Variants in RAB11FIP2 observed in about 807,000 individuals in gnomAD.
RAB11FIP2 encodes RAB11 family interacting protein 2.
RAB11FIP2 carries 16 observed loss-of-function variants against 40.9 expected under a neutral mutation model. That is an observed-to-expected ratio of 0.39 (90% CI 0.26 to 0.59). The LOEUF is 0.59. RAB11FIP2 is among the 20% of genes least tolerant of loss of function. The probability of loss-of-function intolerance (pLI) is 0.53; values close to 1 mark genes in which losing one functional copy is unlikely to be tolerated. For missense variants in RAB11FIP2, 532 were observed against 606.2 expected, an observed-to-expected ratio of 0.88 and a Z score of 1.28; for synonymous variants, 228 against 213.7, an observed-to-expected ratio of 1.07 and a Z score of -0.58.
rs1035747472 is a variant in RAB11FIP2, at chr10:118,021,376, C to T, written c.1266-6266G>A. 2.0e-5 allele frequency among the ~76,000 whole-genome samples: 3 copies of T among 152,310 alleles called. No homozygotes were observed. The South Asian group carries it at 6.2e-4, about 32-fold the overall frequency. ...AAATCTTATACCATAAAATCTCATA[C>T]AATCAGAATCCCATCTGATCAATCT... On this transcript the variant is annotated intron_variant, in intron 3 of 4. Transcript: ENST00000355624.
intron 3 of RAB11FIP2, 38 bp downstream of exon 3, chr10:118,038,934 T>A: frequency 1.4e-6 from 2 of 1,380,112 alleles, no homozygotes; most frequent in South Asian, 2.9e-5. Context: ...AGTACAAGAT[T>A]TTCCCAAATA....
Position 118,040,297 on chromosome 10 carries a change from T to TC in RAB11FIP2, c.621dup (p.Lys208GlufsTer23). On this transcript the variant is annotated frameshift_variant, in exon 2 of 5. Coordinates refer to ENST00000355624, the MANE Select transcript of RAB11FIP2 (RefSeq NM_014904.3). LOFTEE classifies it high-confidence loss of function. Reference sequence around the variant, plus strand: ...AGAAAAGGCTTTTTTGGTTTGGATTTCATCTGTATTTCACCACTTGAAAAT... The same window carrying TC: ...AGAAAAGGCTTTTTTGGTTTGGATTTCCATCTGTATTTCACCACTTGAAAAT... 6.2e-7 allele frequency: 1 copy of TC among 1,613,570 alleles called. No individual in the cohort carries two copies. Among genetic ancestry groups the TC allele is most frequent in the Non-Finnish European group, 8.5e-7 (1 of 1,179,684 alleles).
At chr10:118,021,336 G>C (rs867925202) in intron 3 of RAB11FIP2, among the ~76,000 whole-genome samples, 1 of 152,028 alleles carries the variant, frequency 6.6e-6, no homozygotes, top group African/African-American at 2.4e-5. Context: ...GTTTCCAAAG[G>C]AACAGTAATC....
At chr10:118,020,034 A>T (rs1217895513) in intron 3 of RAB11FIP2, among the ~76,000 whole-genome samples, 1 of 152,182 alleles carries the variant, frequency 6.6e-6, no homozygotes, top group Admixed American at 6.5e-5. Flanking sequence ...CTTTCTGAGC[A>T]CTTTACATGT....
At chr10:118,019,279 C>T (rs1345055405) in intron 3 of RAB11FIP2, among the ~76,000 whole-genome samples, 1 of 152,156 alleles carries the variant, frequency 6.6e-6, no homozygotes, top group African/African-American at 2.4e-5. Flanking sequence ...TTGGCCTACA[C>T]CTTGACTCAT....
rs576485055 is a variant in RAB11FIP2, at chr10:118,024,047, G to A, written c.1266-8937C>T. Among the ~76,000 whole-genome samples, 82 of 149,138 alleles carry A rather than the reference G, an allele frequency of 5.5e-4. 1 individual carries two copies. Among genetic ancestry groups the A allele is most frequent in the South Asian group, 5.1e-3 (24 of 4,728 alleles). On this transcript the variant is annotated intron_variant, in intron 3 of 4. Transcript: ENST00000355624. ...GGAGGCTGCAGTGAGCTGAGATCACGCCACTGCACTCCAGCCTGGGCAACA... is the reference window on the plus strand; with the variant it reads ...GGAGGCTGCAGTGAGCTGAGATCACACCACTGCACTCCAGCCTGGGCAACA...
At chr10:118,038,408 C>G (rs1410216845) in intron 3 of RAB11FIP2, among the ~76,000 whole-genome samples, 1 of 151,982 alleles carries the variant, frequency 6.6e-6, no homozygotes, top group Non-Finnish European at 1.5e-5. Flanking sequence ...TATAAATCAT[C>G]ATATAGATCC....
At chr10:118,038,914 G>T in intron 3 of RAB11FIP2, 58 bp downstream of exon 3, 1 of 1,110,134 alleles carries the variant, frequency 9.0e-7, no homozygotes. Flanking sequence ...AGAAATATTT[G>T]ATACCTTCAA....
Position 118,046,188 on chromosome 10 carries a change from G to GTTCCC in RAB11FIP2, c.-30_-26dup, listed in dbSNP as rs764351912. On this transcript the variant is annotated 5_prime_UTR_variant, in exon 1 of 5. Transcript: ENST00000355624. ...TCCTGTCCTGTTTCTCTGCCCCCGAGTTCCCTAGCACAGGCAGTGCCCCTC... is the reference window on the plus strand; with the variant it reads ...TCCTGTCCTGTTTCTCTGCCCCCGAGTTCCCTTCCCTAGCACAGGCAGTGCCCCTC... The GTTCCC allele has an allele frequency of 8.1e-6, 13 of 1,597,504 alleles. No individual in the cohort carries two copies. The highest frequency in any genetic ancestry group is 1.1e-5 in the Non-Finnish European group (13 of 1,167,678).
In RAB11FIP2 at chr10:118,046,406, G is replaced by C; in HGVS notation, c.-243C>G. 1 of 517,780 alleles carries C rather than the reference G, an allele frequency of 1.9e-6. No homozygotes were observed. Among genetic ancestry groups the C allele is most frequent in the Non-Finnish European group, 3.4e-6 (1 of 290,460 alleles). 32.1% of individuals were successfully genotyped at this position (517,780 alleles called of 1,614,324 possible). On this transcript the variant is annotated 5_prime_UTR_variant, in exon 1 of 5. Transcript: ENST00000355624. ...AGGCCCACCATCACCTGGCCGCGCC[G>C]TGCAGGCCTCTGCGCGGACCCCCGC...
chr10:118,037,351 CA>C (rs140342936), intron 3 of RAB11FIP2, among the ~76,000 whole-genome samples: 5 of 151,528 alleles, frequency 3.3e-5, no homozygotes, highest in African/African-American at 1.2e-4. Context: ...TAAAAGAAAA[CA>C]AAAAAAGTAC....
At chr10:118,019,769 T>C (rs1846261483) in intron 3 of RAB11FIP2, among the ~76,000 whole-genome samples, 1 of 149,786 alleles carries the variant, frequency 6.7e-6, no homozygotes, top group Admixed American at 6.7e-5. Flanking sequence ...GAGCTTGCAG[T>C]GAGCCGAGAT....
At position 118,040,522 on chromosome 10, in the gene RAB11FIP2, T is replaced by C; in HGVS notation, c.397A>G (p.Arg133Gly). ...ESKQGKRIKN[R>G]GEIKVNIQFM... is the part of the protein sequence containing the mutation. ...TGAATATTGACCTTTATCTCACCCC[T>C]GTTTTTGATTCGTTTTCCTTGTTTG... The change falls in exon 2 of 5, where the codon AGG (arginine) becomes GGG (glycine). Residue 133 changes from arginine to glycine, a missense_variant. Arg to Gly is a moderately radical substitution (Grantham distance 125). Coordinates refer to ENST00000355624, the MANE Select transcript of RAB11FIP2 (RefSeq NM_014904.3). 1.9e-6 allele frequency: 3 copies of C among 1,610,458 alleles called. No homozygotes were observed. Among genetic ancestry groups the C allele is most frequent in the Non-Finnish European group, 2.5e-6 (3 of 1,178,718 alleles).
rs1846517458 is a variant in RAB11FIP2 at position 118,039,056 on chromosome 10, T to C, written c.1181A>G (p.Glu394Gly). 1 of 1,613,234 alleles carries C rather than the reference T, an allele frequency of 6.2e-7. No homozygotes were observed. The highest frequency in any genetic ancestry group is 1.3e-5 in the African/African-American group (1 of 74,898). The change falls in exon 3 of 5, where the codon GAA (glutamate) becomes GGA (glycine). Residue 394 changes from glutamate to glycine, a missense_variant. By Grantham distance (98) the Glu-to-Gly change is moderately conservative. Transcript: ENST00000355624. The stretch of plus-strand genomic sequence containing the variant: ...ATAATCAAAATAGTCCTGGCGATTT[T>C]CACTAAATGCATTAGGTGATTTCAA... ...CDLKSPNAFS[E>G]NRQDYFDYES...
chr10:118,040,619 G>T, intron 1 of RAB11FIP2, 54 bp from the exon 2 acceptor site: 1 of 1,294,044 alleles, frequency 7.7e-7, no homozygotes, highest in East Asian at 2.4e-5. Flanking sequence ...AGAGGATACT[G>T]AGTTCTGTTA....
At chr10:118,026,122 T>C (rs1846339548) in intron 3 of RAB11FIP2, among the ~76,000 whole-genome samples, 1 of 152,096 alleles carries the variant, frequency 6.6e-6, no homozygotes, top group South Asian at 2.1e-4. Flanking sequence ...AAAATAAACA[T>C]CTGAATCTTA....
chr10:118,036,765 T>C (rs912672812), intron 3 of RAB11FIP2, among the ~76,000 whole-genome samples: 3 of 152,126 alleles, frequency 2.0e-5, no homozygotes, highest in African/African-American at 4.8e-5. Context: ...ACAACTATTT[T>C]TTTTTACATA....
chr10:118,029,703 G>C (rs2133174847), intron 3 of RAB11FIP2, among the ~76,000 whole-genome samples: 1 of 152,098 alleles, frequency 6.6e-6, no homozygotes, highest in South Asian at 2.1e-4. Context: ...TGAGACAGCA[G>C]GTAACAGAAT....
chr10:118,042,900 T>G (rs2133184678), intron 1 of RAB11FIP2, among the ~76,000 whole-genome samples: 1 of 152,236 alleles, frequency 6.6e-6, no homozygotes, highest in Admixed American at 6.5e-5. Flanking sequence ...ACAAATAACT[T>G]TAGTTGCTTT....
Sources: gnomAD v4.1 joint callset for allele counts (sites outside exome capture counted in the v4.1 genomes callset) on GRCh38, gnomAD v4.1.1 for gene constraint, MANE v1.5 for transcripts, NCBI Gene and HGNC (gene_info 2026-07-23, HGNC 2026-07-21) for gene names.